NECTIN1: variants seen among roughly 807,000 people sequenced by gnomAD.
NECTIN1 encodes the protein nectin-1.
In NECTIN1, 23 loss-of-function variants were observed where a neutral mutation model predicts 48.0. The ratio of observed to expected loss-of-function variants is 0.48; its 90% CI spans 0.34 to 0.68. The LOEUF (loss-of-function observed/expected upper bound fraction) is 0.68. Ranked by LOEUF, NECTIN1 falls within the 30% of genes least tolerant of loss-of-function variation. NECTIN1 has a pLI of 0.01. For missense variants in NECTIN1, 591 were observed against 709.9 expected, an observed-to-expected ratio of 0.83 and a Z score of 1.90; for synonymous variants, 270 against 288.9, an observed-to-expected ratio of 0.93 and a Z score of 0.66.
Position 119,661,921 on chromosome 11 carries a change from G to A in NECTIN1, c.*2826C>T, listed in dbSNP as rs1565381466. On this transcript the variant is annotated 3_prime_UTR_variant, in exon 6 of 6. Transcript: ENST00000264025. ...CTGTGGGCACACGTACTGGGTCTGA[G>A]GTGGTCGCACTTGCAGGCCTGTGTT... 1.0e-6 allele frequency: 1 copy of A among 985,482 alleles called. No individual in the cohort carries two copies. The highest frequency in any genetic ancestry group is 1.2e-6 in the Non-Finnish European group (1 of 829,990). 61.0% of individuals were successfully genotyped at this position (985,482 alleles called of 1,614,324 possible).
intron 1 of NECTIN1, among the ~76,000 whole-genome samples, chr11:119,712,582 A>G (rs1309360037): frequency 6.6e-6 from 1 of 151,608 alleles, no homozygotes; most frequent in Non-Finnish European, 1.5e-5. Flanking sequence ...AAAATCTTCA[A>G]AAAAAAAGGG....
chr11:119,651,817 C>T (rs916681919), intron 5 of NECTIN1, among the ~76,000 whole-genome samples: 40 of 152,120 alleles, frequency 2.6e-4, no homozygotes, highest in Admixed American at 9.2e-4. Context: ...AGCTCTGGGG[C>T]GGACCTGCTA....
intron 1 of NECTIN1, among the ~76,000 whole-genome samples, chr11:119,717,815 C>A (rs552102701): frequency 6.2e-4 from 94 of 152,332 alleles, no homozygotes; most frequent in South Asian, 5.0e-3. Context: ...TCCCTTCGTG[C>A]TGGCTGGGCA....
intron 1 of NECTIN1, among the ~76,000 whole-genome samples, chr11:119,725,279 T>C (rs766398257): frequency 1.3e-5 from 2 of 152,156 alleles, no homozygotes; most frequent in Non-Finnish European, 2.9e-5. Flanking sequence ...GGATTCATTG[T>C]ACAAAGGTGA....
intron 5 of NECTIN1, among the ~76,000 whole-genome samples, chr11:119,646,219 C>G (rs1864394606): frequency 3.3e-5 from 5 of 152,230 alleles, no homozygotes. Context: ...TCCCATTCTT[C>G]AGACCTCCTG....
intron 5 of NECTIN1, among the ~76,000 whole-genome samples, chr11:119,645,905 T>A (rs1339872508): frequency 6.6e-6 from 1 of 152,164 alleles, no homozygotes; most frequent in Non-Finnish European, 1.5e-5. Flanking sequence ...CAGAGTTCTT[T>A]CCTTGGCTCA....
intron 1 of NECTIN1, among the ~76,000 whole-genome samples, chr11:119,710,220 C>T (rs572232616): frequency 2.6e-4 from 39 of 152,378 alleles, no homozygotes; most frequent in African/African-American, 8.7e-4. Context: ...CAGCTGAACG[C>T]TGCGGTATGC....
chr11:119,657,367 G>A (rs990715917), downstream of NECTIN1, among the ~76,000 whole-genome samples: 6 of 152,118 alleles, frequency 3.9e-5, no homozygotes, highest in Non-Finnish European at 7.4e-5. Flanking sequence ...TATAATCCCA[G>A]CACTTTGGAA....
Position 119,678,343 on chromosome 11 carries a change from C to A in NECTIN1, c.430+72G>T. 1 of 1,373,118 alleles carries A rather than the reference C, an allele frequency of 7.3e-7. No individual in the cohort carries two copies. Among genetic ancestry groups the A allele is most frequent in the Admixed American group, 1.7e-5 (1 of 59,724 alleles). 85.1% of individuals were successfully genotyped at this position (1,373,118 alleles called of 1,614,324 possible). ...AGGGGGATGTCTGGGGTCATTGAGG[C>A]ATCCTGAGGATGGCCACGCCCCGAG... On this transcript the variant is annotated intron_variant, in intron 2 of 5. Transcript: ENST00000264025. The surrounding 1 kb of genome is among the most constrained non-coding windows in gnomAD (Gnocchi z 4.4).
chr11:119,653,486 C>T (rs765362227), intron 5 of NECTIN1, among the ~76,000 whole-genome samples: 7 of 152,300 alleles, frequency 4.6e-5, no homozygotes, highest in African/African-American at 7.2e-5. Context: ...GACACATCCC[C>T]GTTCCTCCAG....
At position 119,662,593 on chromosome 11, in the gene NECTIN1, A is replaced by T; in HGVS notation, c.*2154T>A. The T allele has an allele frequency of 1.0e-6, 1 of 985,668 alleles. No homozygotes were observed. Among genetic ancestry groups the T allele is most frequent in the Non-Finnish European group, 1.2e-6 (1 of 829,996 alleles). The allele number at this position is 985,668 out of a possible 1,614,324, so 61.1% of individuals were successfully genotyped here. ...AAAGGAGATGCAGGAGGAGACAGGG[A>T]CAGGAAATGCCTCTATCAGGCAGGC... On this transcript the variant is annotated 3_prime_UTR_variant, in exon 6 of 6. Coordinates refer to ENST00000264025, the MANE Select transcript of NECTIN1 (RefSeq NM_002855.5). This position sits in a 1 kb window ranked among gnomAD's most constrained non-coding sequence, Gnocchi z 5.3.
At chr11:119,719,332 T>A (rs1865792107) in intron 1 of NECTIN1, among the ~76,000 whole-genome samples, 1 of 152,112 alleles carries the variant, frequency 6.6e-6, no homozygotes, top group South Asian at 2.1e-4. Context: ...ACTCCAGGCT[T>A]AGGAAATGGT....
intron 1 of NECTIN1, among the ~76,000 whole-genome samples, chr11:119,686,656 C>T (rs536551033): frequency 3.3e-5 from 5 of 152,310 alleles, no homozygotes; most frequent in Non-Finnish European, 5.9e-5. Context: ...CTTAACAATC[C>T]GGTCGGTTGA....
At chr11:119,682,076 T>C (rs1303002413) in intron 1 of NECTIN1, among the ~76,000 whole-genome samples, 1 of 152,026 alleles carries the variant, frequency 6.6e-6, no homozygotes, top group Non-Finnish European at 1.5e-5. Flanking sequence ...ACTCCAGACT[T>C]AGGGACCGGG....
intron 1 of NECTIN1, among the ~76,000 whole-genome samples, chr11:119,723,739 G>A (rs1019804429): frequency 6.6e-6 from 1 of 152,164 alleles, no homozygotes; most frequent in African/African-American, 2.4e-5. Context: ...CAGCACGAGA[G>A]AATCCAGAGC....
Position 119,661,690 on chromosome 11 carries a change from C to G in NECTIN1, c.*3057G>C. 1 of 985,896 alleles carries G rather than the reference C, an allele frequency of 1.0e-6. No homozygotes were observed. The highest frequency in any genetic ancestry group is 1.2e-6 in the Non-Finnish European group (1 of 829,964). 61.1% of individuals were successfully genotyped at this position (985,896 alleles called of 1,614,324 possible). On this transcript the variant is annotated 3_prime_UTR_variant, in exon 6 of 6. Transcript: ENST00000264025. ...AGTGGGGGTTGGCTGGCAGAGGAAGCGCATGCCCAGGAAACAGGGCCCCTA... is the reference window on the plus strand; with the variant it reads ...AGTGGGGGTTGGCTGGCAGAGGAAGGGCATGCCCAGGAAACAGGGCCCCTA...
intron 5 of NECTIN1, among the ~76,000 whole-genome samples, chr11:119,654,685 C>T (rs1864543691): frequency 6.6e-6 from 1 of 152,050 alleles, no homozygotes; most frequent in Non-Finnish European, 1.5e-5. Flanking sequence ...AATTCTCCTG[C>T]CTCAGCCTCC....
At chr11:119,728,032 C>A (rs865993154) in intron 1 of NECTIN1, among the ~76,000 whole-genome samples, 6 of 150,112 alleles carry the variant, frequency 4.0e-5, no homozygotes, top group African/African-American at 1.5e-4. Context: ...AGAGACGAAG[C>A]CCCCCCGCCA....
intron 5 of NECTIN1, among the ~76,000 whole-genome samples, chr11:119,668,953 T>C (rs1449727704): frequency 6.6e-6 from 1 of 152,204 alleles, no homozygotes; most frequent in African/African-American, 2.4e-5. Flanking sequence ...CATTTGTGCT[T>C]TCTTCAACAG....
Sources: gnomAD v4.1 joint callset for allele counts (sites outside exome capture counted in the v4.1 genomes callset) on GRCh38, gnomAD v4.1.1 for gene constraint, Gnocchi (gnomAD v3.1) non-coding constraint, MANE v1.5 for transcripts, NCBI Gene and HGNC (gene_info 2026-07-23, HGNC 2026-07-21) for gene names.